Variants in GNB1L observed in about 807,000 individuals in gnomAD.
GNB1L encodes G protein subunit beta 1 like.
Under a neutral mutation model 29.1 loss-of-function variants are expected in GNB1L, and 20 were observed. The ratio of observed to expected loss-of-function variants is 0.69; its 90% CI spans 0.48 to 1.00. GNB1L has a LOEUF of 1.00. GNB1L is among the 50% of genes least tolerant of loss of function. The pLI is 0.00. For synonymous variants in GNB1L, 193 were observed against 206.5 expected (o/e 0.93, Z 0.56); for missense variants, 421 against 464.9 (o/e 0.91, Z 0.87).
intron 6 of GNB1L, among the ~76,000 whole-genome samples, chr22:19,802,588 G>A (rs1378108337): frequency 1.3e-5 from 2 of 152,214 alleles, no homozygotes; most frequent in Non-Finnish European, 2.9e-5. Context: ...CAGCCACTGT[G>A]AGTGCTGCCG....
At chr22:19,815,663 G>A (rs1165777423) in intron 4 of GNB1L, among the ~76,000 whole-genome samples, 1 of 152,118 alleles carries the variant, frequency 6.6e-6, no homozygotes, top group African/African-American at 2.4e-5. Context: ...GCTCACTGCA[G>A]CCTCAAACTC....
At chr22:19,852,281 A>C (rs1462280474) in intron 2 of GNB1L, 3 of 1,584,028 alleles carry the variant, frequency 1.9e-6, no homozygotes, top group Non-Finnish European at 8.6e-7. Context: ...ACAGGGGAGA[A>C]GAGAGGAGAG....
intron 2 of GNB1L, chr22:19,848,436 G>C: frequency 4.1e-6 from 4 of 985,494 alleles, no homozygotes; most frequent in East Asian, 2.3e-4. Flanking sequence ...GTCATCATCT[G>C]TCTGAAAGCA....
At chr22:19,797,596 C>T (rs1022318010) in intron 7 of GNB1L, among the ~76,000 whole-genome samples, 2 of 152,184 alleles carry the variant, frequency 1.3e-5, no homozygotes, top group African/African-American at 2.4e-5. Context: ...CACCAAACAA[C>T]CCACAGCCAG....
At chr22:19,794,889 G>T (rs1937289293) in intron 7 of GNB1L, among the ~76,000 whole-genome samples, 1 of 152,174 alleles carries the variant, frequency 6.6e-6, no homozygotes, top group Admixed American at 6.5e-5. Context: ...GCTGAGGCAG[G>T]AGAATCACTT....
At chr22:19,822,871 G>A (rs951414971) in intron 2 of GNB1L, among the ~76,000 whole-genome samples, 2 of 152,212 alleles carry the variant, frequency 1.3e-5, no homozygotes, top group Admixed American at 6.5e-5. Flanking sequence ...GCCAAGCCCT[G>A]CCTCTCCCCT....
At chr22:19,847,274 C>A (rs569239998) in intron 2 of GNB1L, 25 of 984,442 alleles carry the variant, frequency 2.5e-5, no homozygotes, top group African/African-American at 5.2e-5. Flanking sequence ...GTAGCCGCTG[C>A]GCTGTTGGAG....
chr22:19,792,201 A>G (rs1937259499), intron 7 of GNB1L: 1 of 591,258 alleles, frequency 1.7e-6, no homozygotes, highest in Non-Finnish European at 3.0e-6. Context: ...TGACCCCAAA[A>G]TGGCAGAGAT....
chr22:19,848,659 CCAAGGACTCTCA>C, intron 2 of GNB1L: 1 of 985,498 alleles, frequency 1.0e-6, no homozygotes, highest in Non-Finnish European at 1.2e-6. Flanking sequence ...CTGGACTCTC[CCAAGGACTCTCA>C]AGCCTGCCTA....
chr22:19,801,427 C>A (rs902749875), intron 7 of GNB1L, among the ~76,000 whole-genome samples: 2 of 148,146 alleles, frequency 1.4e-5, no homozygotes, highest in Non-Finnish European at 3.0e-5. Flanking sequence ...GTAGGCCAGG[C>A]CACCCTGGAG....
At chr22:19,797,892 A>G (rs758003215) in intron 7 of GNB1L, among the ~76,000 whole-genome samples, 1 of 151,840 alleles carries the variant, frequency 6.6e-6, no homozygotes, top group African/African-American at 2.4e-5. Context: ...GCACAGTCCC[A>G]GCACATCCCA....
At chr22:19,830,047 T>C (rs528588422) in intron 2 of GNB1L, among the ~76,000 whole-genome samples, 183 of 152,260 alleles carry the variant, frequency 1.2e-3, no homozygotes, top group African/African-American at 3.9e-3. Context: ...CATTAAACTA[T>C]CTTCCTGTTG....
intron 7 of GNB1L, among the ~76,000 whole-genome samples, chr22:19,791,103 T>A (rs1160052497): frequency 6.6e-6 from 1 of 152,154 alleles, no homozygotes; most frequent in African/African-American, 2.4e-5. Context: ...CATGCTGGCA[T>A]GCACCTGTAG....
intron 2 of GNB1L, among the ~76,000 whole-genome samples, chr22:19,838,113 C>T (rs750002306): frequency 1.6e-4 from 25 of 152,332 alleles, no homozygotes; most frequent in Non-Finnish European, 2.6e-4. Context: ...TTATTGCATA[C>T]GCAATTTAAT....
chr22:19,816,126 C>T lies in GNB1L; in HGVS notation c.255-3679G>A, dbSNP rs560842522. ...CTCGCGGGGCCCCGGCTGCCTCTGCCCCCTGCATGGCCCCTTCTCTCTCCC... is the reference window on the plus strand; with the variant it reads ...CTCGCGGGGCCCCGGCTGCCTCTGCTCCCTGCATGGCCCCTTCTCTCTCCC... On this transcript the variant is annotated intron_variant, in intron 4 of 7. Coordinates refer to ENST00000329517, the MANE Select transcript of GNB1L (RefSeq NM_053004.3). This position sits in a 1 kb window ranked among gnomAD's most constrained non-coding sequence, Gnocchi z 4.4. 6.6e-6 allele frequency among the ~76,000 whole-genome samples: 1 copy of T among 152,146 alleles called. No homozygotes were observed. The highest frequency in any genetic ancestry group is 1.5e-5 in the Non-Finnish European group (1 of 68,010).
chr22:19,823,888 C>G (rs965211437), intron 2 of GNB1L, among the ~76,000 whole-genome samples: 2 of 152,214 alleles, frequency 1.3e-5, no homozygotes, highest in Admixed American at 6.5e-5. Flanking sequence ...GGCACAGGCA[C>G]TCACGTATGT....
chr22:19,809,768 C>T (rs1221876181), intron 5 of GNB1L, among the ~76,000 whole-genome samples: 1 of 152,200 alleles, frequency 6.6e-6, no homozygotes, highest in Admixed American at 6.5e-5. Context: ...AACCTGTTTT[C>T]CCCATATTAA....
At chr22:19,847,914 T>C in intron 2 of GNB1L, 3 of 983,444 alleles carry the variant, frequency 3.1e-6, no homozygotes, top group Non-Finnish European at 3.6e-6. Flanking sequence ...GTGAGGCACA[T>C]ACATGGCTTT....
At chr22:19,853,050 G>A (rs889031951) in intron 2 of GNB1L, among the ~76,000 whole-genome samples, 3 of 152,164 alleles carry the variant, frequency 2.0e-5, no homozygotes, top group Non-Finnish European at 2.9e-5. Context: ...GCACACAGCA[G>A]GTCCTACCTG....
Sources: gnomAD v4.1 joint callset for allele counts (sites outside exome capture counted in the v4.1 genomes callset) on GRCh38, gnomAD v4.1.1 for gene constraint, Gnocchi (gnomAD v3.1) non-coding constraint, MANE v1.5 for transcripts, NCBI Gene and HGNC (gene_info 2026-07-23, HGNC 2026-07-21) for gene names.